The following AFMID variants were observed in gnomAD, a reference collection of about 807,000 sequenced individuals.
AFMID encodes the protein arylformamidase.
In AFMID, 39 loss-of-function variants were observed where a neutral mutation model predicts 47.5. That is an observed-to-expected ratio of 0.82 (90% confidence interval 0.64 to 1.07). AFMID has a LOEUF of 1.07. Ranked by LOEUF, AFMID falls within the 50% of genes least tolerant of loss-of-function variation. AFMID has a pLI of 0.00. For synonymous variants in AFMID, 130 were observed against 153.2 expected (o/e 0.85, Z 1.12); for missense variants, 375 against 387.5 (o/e 0.97, Z 0.27).
chr17:78,190,033 T>C (rs1040447850), intron 1 of AFMID, among the ~76,000 whole-genome samples: 1 of 150,840 alleles, frequency 6.6e-6, no homozygotes, highest in Non-Finnish European at 1.5e-5. Flanking sequence ...GGTTTCATCA[T>C]GTTGGTCAGG....
At chr17:78,205,904 T>G (rs756245831) in intron 9 of AFMID, 42 bp from the exon 10 acceptor site, 18 of 1,600,696 alleles carry the variant, frequency 1.1e-5, no homozygotes, top group Non-Finnish European at 1.4e-5. Context: ...CCACCTCCCC[T>G]CCCACTGCTC....
At chr17:78,195,771 C>T (rs1394998864) in intron 2 of AFMID, among the ~76,000 whole-genome samples, 1 of 152,182 alleles carries the variant, frequency 6.6e-6, no homozygotes, top group East Asian at 1.9e-4. Context: ...GCTGGGATTA[C>T]AGGCAAGAGC....
At chr17:78,199,110 T>C (rs1415000234) in intron 2 of AFMID, among the ~76,000 whole-genome samples, 2 of 152,360 alleles carry the variant, frequency 1.3e-5, no homozygotes. Flanking sequence ...GTAACGTGGG[T>C]GCTGGCAAAA....
In AFMID at chr17:78,205,670, CGT is replaced by C; in HGVS notation, c.716_717del (p.Val239AlafsTer33). 5 of 1,613,554 alleles carry C rather than the reference CGT, an allele frequency of 3.1e-6. No individual in the cohort carries two copies. The highest frequency in any genetic ancestry group is 4.2e-6 in the Non-Finnish European group (5 of 1,179,984). ...AQAQPVDPTC[R>X]VLVVVGQFDS... is the part of the protein sequence containing the mutation. ...GGCACAGCCGGTGGACCCCACCTGC[CGT>C]GTGCTGGTGGTCGTGGGCCAGTTCG... On this transcript the variant is annotated frameshift_variant, in exon 9 of 11. Transcript: ENST00000409257. LOFTEE classifies it high-confidence loss of function.
chr17:78,189,493 G>T (rs1318931118), intron 1 of AFMID, among the ~76,000 whole-genome samples: 1 of 151,406 alleles, frequency 6.6e-6, no homozygotes, highest in Non-Finnish European at 1.5e-5. Context: ...AAAGTGCTGG[G>T]ATTACAGGTG....
intron 1 of AFMID, among the ~76,000 whole-genome samples, chr17:78,188,856 C>A (rs947940942): frequency 2.0e-5 from 3 of 152,130 alleles, no homozygotes; most frequent in Non-Finnish European, 2.9e-5. Context: ...CTTGGCCTCC[C>A]AAAGTGCTGG....
intron 4 of AFMID, 82 bp from the exon 5 acceptor site, chr17:78,204,574 C>T (rs1331009010): frequency 2.3e-5 from 31 of 1,373,454 alleles, no homozygotes; most frequent in Middle Eastern, 3.6e-4. Context: ...GACAGGACAT[C>T]TGGCAAGTGG....
In AFMID at chr17:78,202,641, G is replaced by A. The variant is rs1400495958; in HGVS notation, c.259+38G>A. ...GGGGCTGGGGGTCCCGGGGCTTGGGGGTCCAGTGGCAGAGCTCAGCAGGGC... is the reference window on the plus strand; with the variant it reads ...GGGGCTGGGGGTCCCGGGGCTTGGGAGTCCAGTGGCAGAGCTCAGCAGGGC... On this transcript the variant is annotated intron_variant, in intron 3 of 10. Coordinates refer to ENST00000409257, the MANE Select transcript of AFMID (RefSeq NM_001010982.5). 28 of 1,587,060 alleles carry A rather than the reference G, an allele frequency of 1.8e-5. No homozygotes were observed. The African/African-American group carries it at 2.6e-4, about 14-fold the overall frequency.
At chr17:78,203,055 C>CTTTTTTTTT (rs56016227) in intron 4 of AFMID, 1 of 108,466 alleles carries the variant, frequency 9.2e-6, no homozygotes, top group Non-Finnish European at 1.7e-5. Flanking sequence ...CTTCCTCTCT[C>CTTTTTTTTT]TTTTTTTTTT....
chr17:78,193,975 CAA>C (rs35735703), intron 2 of AFMID, among the ~76,000 whole-genome samples: 36 of 128,330 alleles, frequency 2.8e-4, no homozygotes, highest in South Asian at 2.7e-3. Flanking sequence ...GACTCCATCT[CAA>C]AAAAAAAAAA....
chr17:78,192,568 C>A (rs2076000218), intron 2 of AFMID: 4 of 465,974 alleles, frequency 8.6e-6, no homozygotes, highest in Non-Finnish European at 1.3e-5. Flanking sequence ...CCTGCCTCGG[C>A]CTCCCAAAGT....
intron 2 of AFMID, chr17:78,192,529 G>C (rs759693477): frequency 2.3e-6 from 1 of 439,292 alleles, no homozygotes; most frequent in African/African-American, 2.0e-5. Context: ...GGTTAGGCTG[G>C]TCTCAAACTC....
intron 10 of AFMID, 94 bp from the exon 11 acceptor site, chr17:78,206,817 C>T (rs1047961589): frequency 3.3e-5 from 47 of 1,415,530 alleles, no homozygotes; most frequent in Non-Finnish European, 4.4e-5. Flanking sequence ...CAGACGTGAG[C>T]CACTGCATCC....
chr17:78,206,751 T>G (rs1418735489), intron 10 of AFMID, among the ~76,000 whole-genome samples, 160 bp from the exon 11 acceptor site: 1 of 151,314 alleles, frequency 6.6e-6, no homozygotes, highest in South Asian at 2.1e-4. Context: ...CAGACTGTCT[T>G]CAACTCCTGA....
At chr17:78,196,843 G>A (rs1330192034) in intron 2 of AFMID, among the ~76,000 whole-genome samples, 1 of 152,160 alleles carries the variant, frequency 6.6e-6, no homozygotes, top group South Asian at 2.1e-4. Context: ...TTGCCATAAG[G>A]TTTGTTCTGG....
Position 78,202,505 on chromosome 17 carries a change from C to A in AFMID, c.161C>A (p.Thr54Lys). The A allele has an allele frequency of 6.2e-7, 1 of 1,614,098 alleles. No individual in the cohort carries two copies. The highest frequency in any genetic ancestry group is 8.5e-7 in the Non-Finnish European group (1 of 1,180,014). ...TTGTCCATTTCTGAGACAGCCACCACAAGGGCCCGGGCCACCAGGAAGAGC... is the reference window on the plus strand; with the variant it reads ...TTGTCCATTTCTGAGACAGCCACCAAAAGGGCCCGGGCCACCAGGAAGAGC... Reference protein sequence around the residue: ...TYSQIGIEATTRARATRKSLL... With the variant: ...TYSQIGIEATKRARATRKSLL... Residue 54 changes from threonine (T) to lysine (K), a missense_variant, in exon 3 of 11, where the codon ACA becomes AAA. By Grantham distance (78) the Thr-to-Lys change is moderately conservative. Transcript: ENST00000409257.
intron 2 of AFMID, among the ~76,000 whole-genome samples, chr17:78,200,329 A>T (rs1307628709): frequency 1.3e-5 from 2 of 151,982 alleles, no homozygotes. Context: ...TAATTTTTGT[A>T]TTTTTAGTAG....
chr17:78,202,763 G>C lies in AFMID; in HGVS notation c.308+12G>C, dbSNP rs200645287. 1 of 1,554,316 alleles carries C rather than the reference G, an allele frequency of 6.4e-7. No individual in the cohort carries two copies. Among genetic ancestry groups the C allele is most frequent in the Non-Finnish European group, 8.7e-7 (1 of 1,148,698 alleles). ...TGGCAGAGCGGAAGGTGAGTCGGGG[G>C]ATGTGGATGGTGGACTGCAAGAGAG... On this transcript the variant is annotated intron_variant, in intron 4 of 10. Coordinates refer to ENST00000409257, the MANE Select transcript of AFMID (RefSeq NM_001010982.5).
At chr17:78,196,682 A>C (rs2076123777) in intron 2 of AFMID, among the ~76,000 whole-genome samples, 1 of 151,902 alleles carries the variant, frequency 6.6e-6, no homozygotes, top group Non-Finnish European at 1.5e-5. Flanking sequence ...CTCCATCTGA[A>C]AAAAAAAACC....
Sources: allele counts gnomAD v4.1 joint callset (sites outside exome capture counted in the v4.1 genomes callset), GRCh38; gene constraint gnomAD v4.1.1; transcripts MANE v1.5; gene names NCBI Gene and HGNC (gene_info 2026-07-23, HGNC 2026-07-21).